The following CHL1 variants were observed in gnomAD, a reference collection of about 807,000 sequenced individuals.
CHL1 encodes the protein neural cell adhesion molecule L1-like protein.
Under a neutral mutation model 141.9 loss-of-function variants are expected in CHL1, and 96 were observed. The ratio of observed to expected loss-of-function variants is 0.68; its 90% CI spans 0.57 to 0.80. CHL1 has a LOEUF of 0.80. Among genes scored for constraint, CHL1 ranks in the 30% least tolerant of loss-of-function variants. The pLI is 0.00. For synonymous variants in CHL1, 613 were observed against 502.2 expected, an observed-to-expected ratio of 1.22 and a Z score of -2.95; for missense variants, 1,820 against 1,457.2, an observed-to-expected ratio of 1.25 and a Z score of -4.05.
At chr3:254,493 T>C (rs1160357518) in intron 2 of CHL1, among the ~76,000 whole-genome samples, 1 of 152,140 alleles carries the variant, frequency 6.6e-6, no homozygotes, top group Non-Finnish European at 1.5e-5. Context: ...AGATAGGTTT[T>C]TTAGCTGGGA....
At chr3:367,994 C>T (rs2201912) in intron 15 of CHL1, among the ~76,000 whole-genome samples, 92,365 of 152,074 alleles carry the variant, frequency 0.61, 30,651 homozygotes, top group East Asian at 0.86. Flanking sequence ...ATCCAGCCTA[C>T]CACTGATGGG....
chr3:351,730 A>G (rs924163339), intron 10 of CHL1, among the ~76,000 whole-genome samples: 1 of 152,148 alleles, frequency 6.6e-6, no homozygotes, highest in Non-Finnish European at 1.5e-5. Flanking sequence ...TGTCTTTCCT[A>G]TTACCAAACA....
In CHL1 at chr3:407,428, A is replaced by C. The variant is rs1434881792; in HGVS notation, c.*1717A>C. 1 of 152,106 alleles carries C rather than the reference A, an allele frequency of 6.6e-6. No homozygotes were observed. The highest frequency in any genetic ancestry group is 6.6e-5 in the Admixed American group (1 of 15,234). The allele number at this position is 152,106 out of a possible 1,614,324, so 9.4% of individuals were successfully genotyped here. A position where few individuals can be genotyped will look rare whatever the true frequency, so the allele number is the denominator to read the frequency against. On this transcript the variant is annotated 3_prime_UTR_variant, in exon 28 of 28. Transcript: ENST00000256509. ...GACAGGAAAAGCATGTCTTATTTAA[A>C]ACTGTAATTTATGGGCTCAGGATCT...
At chr3:246,062 A>C (rs934805729) in intron 2 of CHL1, among the ~76,000 whole-genome samples, 1 of 152,174 alleles carries the variant, frequency 6.6e-6, no homozygotes. Context: ...AATTCCTTTG[A>C]TGATGATTGT....
intron 1 of CHL1, among the ~76,000 whole-genome samples, chr3:228,423 G>A (rs1701560479): frequency 6.6e-6 from 1 of 151,864 alleles, no homozygotes; most frequent in South Asian, 2.1e-4. Flanking sequence ...AGTGTTCAAG[G>A]GGATCCCTGC....
chr3:333,674 T>G (rs919030363), intron 5 of CHL1, among the ~76,000 whole-genome samples: 5 of 152,190 alleles, frequency 3.3e-5, no homozygotes, highest in African/African-American at 1.2e-4. Context: ...TTCTAGTAAT[T>G]TGGGATTTAA....
chr3:372,864 T>A (rs1424133261), intron 15 of CHL1, among the ~76,000 whole-genome samples: 1 of 152,022 alleles, frequency 6.6e-6, no homozygotes, highest in African/African-American at 2.4e-5. Flanking sequence ...CTACCTTCTG[T>A]AGGGCTGCTG....
rs149673667 is a variant in CHL1 at position 267,315 on chromosome 3, A to C, written c.-95+22623A>C. 5.3e-5 allele frequency among the ~76,000 whole-genome samples: 8 copies of C among 152,326 alleles called. No individual in the cohort carries two copies. The East Asian group carries it at 1.2e-3, about 22-fold the overall frequency. ...ACCTGTGGGCACAGAATTTAATGAG[A>C]ATTTGTTTCCTTGCCCTCATAGCAA... On this transcript the variant is annotated intron_variant, in intron 2 of 27. Coordinates refer to ENST00000256509, the MANE Select transcript of CHL1 (RefSeq NM_006614.4).
chr3:382,337 A>G, intron 17 of CHL1, 57 bp downstream of exon 17: 1 of 1,527,292 alleles, frequency 6.5e-7, no homozygotes, highest in Non-Finnish European at 9.0e-7. Context: ...ATTAATAGCG[A>G]AGTCACTTTT....
chr3:330,328 T>G (rs756111829), intron 5 of CHL1, among the ~76,000 whole-genome samples: 4 of 152,058 alleles, frequency 2.6e-5, no homozygotes, highest in Non-Finnish European at 4.4e-5. Context: ...TTGAATGCAG[T>G]GAAAGCATTA....
intron 5 of CHL1, among the ~76,000 whole-genome samples, chr3:335,145 C>A (rs1423368181): frequency 1.3e-5 from 2 of 152,172 alleles, no homozygotes; most frequent in African/African-American, 4.8e-5. Context: ...TTTTTACCAC[C>A]CTGATTTTGG....
At chr3:321,602 C>T (rs145105427) in intron 3 of CHL1, among the ~76,000 whole-genome samples, 1 of 152,056 alleles carries the variant, frequency 6.6e-6, no homozygotes, top group Admixed American at 6.6e-5. Context: ...CACATTTATT[C>T]TTCATCATTT....
chr3:402,406 A>G (rs1188100933), intron 27 of CHL1, among the ~76,000 whole-genome samples: 1 of 152,118 alleles, frequency 6.6e-6, no homozygotes. Flanking sequence ...TTCTCCTTTT[A>G]TCTTTCTCCA....
chr3:265,510 C>A (rs878977631), intron 2 of CHL1, among the ~76,000 whole-genome samples: 4 of 152,140 alleles, frequency 2.6e-5, no homozygotes, highest in Non-Finnish European at 4.4e-5. Context: ...ACCTTTTAGT[C>A]AAAAAATGCA....
intron 6 of CHL1, among the ~76,000 whole-genome samples, chr3:341,647 G>C (rs1204374358): frequency 6.6e-6 from 1 of 152,130 alleles, no homozygotes; most frequent in African/African-American, 2.4e-5. Flanking sequence ...GACAAAGATG[G>C]TAAACAGAGT....
intron 1 of CHL1, chr3:197,437 A>G (rs4684304): frequency 0.045 from 7,063 of 157,064 alleles, 164 homozygotes; most frequent in African/African-American, 0.068. Context: ...AGGATTCCAG[A>G]CCCCCCCGTA....
At chr3:213,714 T>C (rs1353150274) in intron 1 of CHL1, 1 of 152,158 alleles carries the variant, frequency 6.6e-6, no homozygotes, top group Admixed American at 6.5e-5. Flanking sequence ...TTAAAAGTCA[T>C]TAGGAAAGAG....
chr3:271,469 A>G (rs979832252), intron 2 of CHL1, among the ~76,000 whole-genome samples: 6 of 152,222 alleles, frequency 3.9e-5, no homozygotes, highest in African/African-American at 1.4e-4. Context: ...GTAAATTTAA[A>G]TGAAAAGACA....
chr3:268,457 C>T (rs1340844529), intron 2 of CHL1, among the ~76,000 whole-genome samples: 1 of 152,112 alleles, frequency 6.6e-6, no homozygotes, highest in African/African-American at 2.4e-5. Flanking sequence ...ATCACTTGAA[C>T]CTGGGAGGCA....
Sources: allele counts gnomAD v4.1 joint callset (sites outside exome capture counted in the v4.1 genomes callset), GRCh38; gene constraint gnomAD v4.1.1; transcripts MANE v1.5; gene names NCBI Gene and HGNC (gene_info 2026-07-23, HGNC 2026-07-21).